Variants in ZFX observed in about 807,000 individuals in gnomAD.
ZFX encodes the protein zinc finger protein X-linked, also known as zinc finger X-chromosomal protein.
For synonymous variants in ZFX, 196 were observed against 226.8 expected (o/e 0.86, Z 1.22); for missense variants, 362 against 628.3 (o/e 0.58, Z 4.53).
At chrX:24,161,093 A>C (rs1933253845) in intron 3 of ZFX, among the ~76,000 whole-genome samples, 1 of 112,270 alleles carries the variant, frequency 8.9e-6, no homozygotes, top group African/African-American at 3.2e-5. Context: ...AGCAGCAAAC[A>C]ATTTGAAAAT....
intron 5 of ZFX, among the ~76,000 whole-genome samples, chrX:24,191,134 A>C (rs1466907342): frequency 5.4e-5 from 6 of 111,801 alleles, no homozygotes; most frequent in Non-Finnish European, 7.5e-5. Flanking sequence ...TGAATGTATA[A>C]AGAAATCAGT....
chrX:24,149,145 C>T (rs1390285584), upstream of ZFX: 1 of 108,484 alleles, frequency 9.2e-6, no homozygotes, highest in Non-Finnish European at 1.9e-5. Context: ...CTAAATTTAT[C>T]TTCCTCCCCA....
intron 4 of ZFX, among the ~76,000 whole-genome samples, chrX:24,178,147 G>A (rs930963191): frequency 4.5e-5 from 5 of 110,466 alleles, no homozygotes; most frequent in African/African-American, 1.6e-4. Flanking sequence ...AGCCAGGATG[G>A]TCTCAATCTC....
At chrX:24,157,992 C>A (rs920053508) in intron 3 of ZFX, among the ~76,000 whole-genome samples, 1 of 110,909 alleles carries the variant, frequency 9.0e-6, no homozygotes, top group Non-Finnish European at 1.9e-5. Context: ...CTCCTGAACC[C>A]AGGCAATCTG....
At chrX:24,165,341 G>A (rs755023557) in intron 3 of ZFX, among the ~76,000 whole-genome samples, 1 of 112,188 alleles carries the variant, frequency 8.9e-6, no homozygotes, top group East Asian at 2.8e-4. Context: ...GGATGTTCTC[G>A]ATCTCCTGAC....
chrX:24,196,269 C>T (rs925324525), intron 5 of ZFX, among the ~76,000 whole-genome samples: 3 of 111,285 alleles, frequency 2.7e-5, no homozygotes, highest in Non-Finnish European at 5.7e-5. Flanking sequence ...TGCACCAACA[C>T]GCCCGGCTAA....
rs766688861 is a variant in ZFX, at chrX:24,210,536, C to T, written c.1578C>T (p.Tyr526=). Residue 526 remains tyrosine (Y), a synonymous_variant, in exon 10 of 10, where the codon TAC becomes TAT. Transcript: ENST00000304543. ...TGCACAAGTGTAAATTCTGTGAATA[C>T]GAGACAGCTGAACAAGGGTTATTGA... ...NKMHKCKFCE[Y]ETAEQGLLNR... The T allele has an allele frequency of 1.2e-5, 15 of 1,211,703 alleles. No individual in the cohort carries two copies. Among genetic ancestry groups the T allele is most frequent in the Admixed American group, 1.1e-4 (5 of 45,996 alleles).
At chrX:24,205,164 C>T (rs917291786) in intron 5 of ZFX, among the ~76,000 whole-genome samples, 6 of 112,226 alleles carry the variant, frequency 5.3e-5, no homozygotes, top group Admixed American at 4.7e-4. Flanking sequence ...CAGACAAGCT[C>T]AATGAGCCTT....
chrX:24,207,960 A>G, intron 7 of ZFX, 105 bp downstream of exon 7: 3 of 1,006,958 alleles, frequency 3.0e-6, no homozygotes, highest in Non-Finnish European at 4.1e-6. Flanking sequence ...TTATGCTACT[A>G]CATTCCAAGG....
intron 5 of ZFX, among the ~76,000 whole-genome samples, chrX:24,183,277 C>T (rs1288330699): frequency 1.8e-5 from 2 of 111,510 alleles, no homozygotes; most frequent in African/African-American, 6.5e-5. Context: ...CTCCGCCTCC[C>T]GGGTTCAAGC....
chrX:24,191,996 G>A (rs925995640), intron 5 of ZFX, among the ~76,000 whole-genome samples: 4 of 111,766 alleles, frequency 3.6e-5, no homozygotes, highest in African/African-American at 9.8e-5. Flanking sequence ...CACCAAGCCC[G>A]GCCTTCATTG....
chrX:24,154,914 A>G (rs899228146), intron 3 of ZFX, among the ~76,000 whole-genome samples: 2 of 111,723 alleles, frequency 1.8e-5, no homozygotes, highest in African/African-American at 6.5e-5. Context: ...ATATTCTCAC[A>G]TACAGGTGGG....
intron 5 of ZFX, among the ~76,000 whole-genome samples, chrX:24,180,164 G>A (rs1935552721): frequency 1.8e-5 from 2 of 109,655 alleles, no homozygotes; most frequent in Admixed American, 9.8e-5. Flanking sequence ...CCCGGGAGCC[G>A]GAGGTTGCAG....
chrX:24,160,173 A>G (rs34652114), intron 3 of ZFX, among the ~76,000 whole-genome samples: 8,624 of 109,752 alleles, frequency 0.079, 293 homozygotes, highest in Middle Eastern at 0.15. Context: ...ATTCATTCTG[A>G]CATTTAAAAA....
At chrX:24,190,562 C>A (rs750082276) in intron 5 of ZFX, among the ~76,000 whole-genome samples, 1 of 112,174 alleles carries the variant, frequency 8.9e-6, no homozygotes, top group East Asian at 2.8e-4. Flanking sequence ...GCATTACAAG[C>A]AATTGGAGCT....
chrX:24,211,311 T>C lies in ZFX; in HGVS notation c.2353T>C (p.Phe785Leu). 8.3e-7 allele frequency: 1 copy of C among 1,212,046 alleles called. No individual in the cohort carries two copies. The highest frequency in any genetic ancestry group is 1.1e-6 in the Non-Finnish European group (1 of 895,613). ...PHRCEYCKKG[F>L]RRPSEKNQHI... ...CCGGTGTGAGTACTGCAAGAAAGGC[T>C]TCCGAAGACCTTCAGAAAAGAACCA... Residue 785 changes from phenylalanine to leucine, a missense_variant, in exon 10 of 10, where the codon TTC (phenylalanine) becomes CTC (leucine). Coordinates refer to ENST00000304543, the MANE Select transcript of ZFX (RefSeq NM_003410.4).
intron 5 of ZFX, among the ~76,000 whole-genome samples, chrX:24,199,229 A>G (rs2037747705): frequency 9.1e-6 from 1 of 110,102 alleles, no homozygotes; most frequent in South Asian, 3.9e-4. Context: ...TGGTGAAGTT[A>G]TGGGCAAAGA....
intron 3 of ZFX, among the ~76,000 whole-genome samples, chrX:24,163,374 T>TG (rs1174101908): frequency 4.7e-5 from 3 of 63,182 alleles, no homozygotes; most frequent in Non-Finnish European, 6.0e-5. Context: ...GTTTTTTTTT[T>TG]TTTTTTTTTT....
chrX:24,177,080 G>T (rs1935214571), intron 4 of ZFX, among the ~76,000 whole-genome samples: 1 of 110,414 alleles, frequency 9.1e-6, no homozygotes, highest in Non-Finnish European at 1.9e-5. Flanking sequence ...CCACAGGCAC[G>T]TGCCACCACA....
Sources: gnomAD v4.1 joint callset for allele counts (sites outside exome capture counted in the v4.1 genomes callset) on GRCh38, gnomAD v4.1.1 for gene constraint, MANE v1.5 for transcripts, NCBI Gene and HGNC (gene_info 2026-07-23, HGNC 2026-07-21) for gene names.